The following CPNE4 variants were observed in gnomAD, a reference collection of about 807,000 sequenced individuals.
The protein encoded by CPNE4 is copine-4.
A neutral mutation model predicts 67.9 loss-of-function variants in CPNE4; 25 were observed. The ratio of observed to expected loss-of-function variants is 0.37; its 90% CI spans 0.27 to 0.51. The LOEUF (loss-of-function observed/expected upper bound fraction) is 0.51, where lower values mean the gene tolerates loss of function less well. Among genes scored for constraint, CPNE4 ranks in the 20% least tolerant of loss-of-function variants. The pLI is 0.93. For missense variants in CPNE4, 464 were observed against 690.8 expected (o/e 0.67, Z 3.68); for synonymous variants, 242 against 244.9 (o/e 0.99, Z 0.11).
chr3:131,575,056 AT>A lies in CPNE4; in HGVS notation c.927+14del. The A allele has an allele frequency of 6.2e-7, 1 of 1,609,904 alleles. No individual in the cohort carries two copies. The highest frequency in any genetic ancestry group is 8.5e-7 in the Non-Finnish European group (1 of 1,176,526). On this transcript the variant is annotated intron_variant, in intron 10 of 15. Transcript: ENST00000429747. ...CCTGAATAAGAATCAAGGAATCAAC[AT>A]GAAAACAACTTACTGTAAACTGGAT...
At chr3:131,685,071 G>A (rs2080856840) in intron 6 of CPNE4, among the ~76,000 whole-genome samples, 1 of 152,142 alleles carries the variant, frequency 6.6e-6, no homozygotes, top group Non-Finnish European at 1.5e-5. Context: ...ATGAAGCTCA[G>A]AGTCAAACAA....
intron 2 of CPNE4, among the ~76,000 whole-genome samples, chr3:131,782,464 A>G (rs969836462): frequency 6.8e-6 from 1 of 146,560 alleles, no homozygotes; most frequent in African/African-American, 2.4e-5. Context: ...ATCGATTTAA[A>G]GTAATACACA....
intron 1 of CPNE4, among the ~76,000 whole-genome samples, chr3:132,001,555 G>GAA (rs1311106508): frequency 7.0e-4 from 40 of 57,102 alleles, no homozygotes; most frequent in South Asian, 1.5e-3. Context: ...AGAAAAAAGA[G>GAA]AAAGAAAGAA....
chr3:131,632,018 C>A (rs1295507491), intron 7 of CPNE4, among the ~76,000 whole-genome samples: 1 of 149,960 alleles, frequency 6.7e-6, no homozygotes, highest in African/African-American at 2.5e-5. Context: ...GCACGAGAAT[C>A]GCTTGAGCCC....
At position 131,593,815 on chromosome 3, in the gene CPNE4, G is replaced by A. The variant is rs966445160; in HGVS notation, c.682-6233C>T. Among the ~76,000 whole-genome samples the A allele has an allele frequency of 1.3e-5, 2 of 151,960 alleles. 1 individual carries two copies. The highest frequency in any genetic ancestry group is 2.9e-5 in the Non-Finnish European group (2 of 67,968). Reference sequence around the variant, plus strand: ...CAACCTCTGCCTCCTGGGTTCAAGCGATTCTCCTGCCTCAGCCTCCCAAGT... The same window carrying A: ...CAACCTCTGCCTCCTGGGTTCAAGCAATTCTCCTGCCTCAGCCTCCCAAGT... On this transcript the variant is annotated intron_variant, in intron 7 of 15. Coordinates refer to ENST00000429747, the MANE Select transcript of CPNE4 (RefSeq NM_130808.3).
intron 1 of CPNE4, among the ~76,000 whole-genome samples, chr3:131,998,406 C>T (rs2073349312): frequency 6.6e-6 from 1 of 152,090 alleles, no homozygotes; most frequent in African/African-American, 2.4e-5. Context: ...CACTAAACAG[C>T]AGATTAATGA....
chr3:131,950,857 A>G (rs752103367), intron 1 of CPNE4, among the ~76,000 whole-genome samples: 4 of 152,226 alleles, frequency 2.6e-5, no homozygotes, highest in Non-Finnish European at 5.9e-5. Context: ...AACATCCATG[A>G]ATCCGAGGCA....
intron 1 of CPNE4, among the ~76,000 whole-genome samples, chr3:131,975,413 T>C (rs1425847516): frequency 6.6e-6 from 1 of 152,152 alleles, no homozygotes; most frequent in East Asian, 1.9e-4. Context: ...TCCTTCTACT[T>C]TGGGAATGGG....
chr3:132,003,046 A>C (rs1244819309), intron 1 of CPNE4, among the ~76,000 whole-genome samples: 1 of 152,154 alleles, frequency 6.6e-6, no homozygotes. Flanking sequence ...ATTCATATGC[A>C]CTTTAGGGTA....
intron 2 of CPNE4, among the ~76,000 whole-genome samples, chr3:131,891,269 C>T (rs1162605675): frequency 1.3e-5 from 2 of 151,792 alleles, no homozygotes; most frequent in Admixed American, 1.3e-4. Context: ...AACAATTACA[C>T]CTGAATAAAG....
chr3:131,809,009 G>A (rs746833526), intron 2 of CPNE4, among the ~76,000 whole-genome samples: 1 of 152,152 alleles, frequency 6.6e-6, no homozygotes, highest in Non-Finnish European at 1.5e-5. Flanking sequence ...TTTGGAGAGT[G>A]TAGACATATA....
intron 4 of CPNE4, among the ~76,000 whole-genome samples, chr3:131,698,190 G>A (rs1338578571): frequency 2.9e-5 from 4 of 140,258 alleles, no homozygotes; most frequent in Admixed American, 7.5e-5. Context: ...AGATGAGATC[G>A]TGCCACTGTG....
chr3:131,558,029 A>C (rs1355603442), intron 11 of CPNE4, among the ~76,000 whole-genome samples: 1 of 151,950 alleles, frequency 6.6e-6, no homozygotes, highest in Non-Finnish European at 1.5e-5. Context: ...TCTAGCGTTA[A>C]TGATATTCCT....
chr3:131,929,507 A>C (rs2070993253), intron 1 of CPNE4, among the ~76,000 whole-genome samples: 1 of 152,096 alleles, frequency 6.6e-6, no homozygotes. Flanking sequence ...ATACATAAAA[A>C]ATCAGCAGTC....
intron 6 of CPNE4, among the ~76,000 whole-genome samples, chr3:131,677,361 T>C (rs1322180099): frequency 6.6e-6 from 1 of 152,128 alleles, no homozygotes. Context: ...TTTGCAAAAA[T>C]TTTCTCCCAT....
intron 1 of CPNE4, among the ~76,000 whole-genome samples, chr3:131,961,370 G>C (rs2072167760): frequency 6.6e-6 from 1 of 152,042 alleles, no homozygotes; most frequent in Non-Finnish European, 1.5e-5. Context: ...TTTATCACTG[G>C]TTAAAGAGCA....
intron 2 of CPNE4, among the ~76,000 whole-genome samples, chr3:131,726,567 T>C (rs919448329): frequency 4.6e-5 from 7 of 152,148 alleles, no homozygotes; most frequent in African/African-American, 1.7e-4. Flanking sequence ...TTATGGAAGA[T>C]GCATTATTTT....
At chr3:131,924,793 G>C (rs1014321483) in intron 1 of CPNE4, among the ~76,000 whole-genome samples, 1 of 152,096 alleles carries the variant, frequency 6.6e-6, no homozygotes, top group Non-Finnish European at 1.5e-5. Context: ...CAGTGTAAAC[G>C]TGAGTGTTAT....
In CPNE4 at chr3:131,533,715, A is replaced by G. The variant is rs1202962927; in HGVS notation, c.*1480T>C. Reference sequence around the variant, plus strand: ...TTAGGATCTATAATTGTAACTGTGGAAATCATAGAAGGCATTTTATTTGCT... The same window carrying G: ...TTAGGATCTATAATTGTAACTGTGGGAATCATAGAAGGCATTTTATTTGCT... On this transcript the variant is annotated 3_prime_UTR_variant, in exon 16 of 16. Coordinates refer to ENST00000429747, the MANE Select transcript of CPNE4 (RefSeq NM_130808.3). 1 of 152,204 alleles carries G rather than the reference A, an allele frequency of 6.6e-6. No homozygotes were observed. Among genetic ancestry groups the G allele is most frequent in the African/African-American group, 2.4e-5 (1 of 41,452 alleles). The allele number at this position is 152,204 out of a possible 1,614,324, so 9.4% of individuals were successfully genotyped here.
Sources: gnomAD v4.1 joint callset for allele counts (sites outside exome capture counted in the v4.1 genomes callset) on GRCh38, gnomAD v4.1.1 for gene constraint, MANE v1.5 for transcripts, NCBI Gene and HGNC (gene_info 2026-07-23, HGNC 2026-07-21) for gene names.